The following CYP4Z1 variants were observed in gnomAD, a reference collection of about 807,000 sequenced individuals.
The protein encoded by CYP4Z1 is cytochrome P450 family 4 subfamily Z member 1, also known as cytochrome P450 4Z1.
In CYP4Z1, 41 loss-of-function variants were observed where a neutral mutation model predicts 54.2. The ratio of observed to expected loss-of-function variants is 0.76; its 90% confidence interval spans 0.59 to 0.98. CYP4Z1 has a LOEUF of 0.98. Ranked by LOEUF, CYP4Z1 falls within the 50% of genes least tolerant of loss-of-function variation. The pLI, the probability that CYP4Z1 is intolerant of heterozygous loss-of-function variation, is 0.00. For missense variants in CYP4Z1, 513 were observed against 599.0 expected (o/e 0.86, Z 1.50); for synonymous variants, 163 against 206.2 (o/e 0.79, Z 1.79).
chr1:47,064,328 C>T (rs1644439136), upstream of CYP4Z1, among the ~76,000 whole-genome samples: 1 of 152,036 alleles, frequency 6.6e-6, no homozygotes, highest in African/African-American at 2.4e-5. Context: ...GTGATCCACC[C>T]ACCTCAGCTT....
Position 47,067,538 on chromosome 1 carries a change from G to C in CYP4Z1, c.48G>C (p.Leu16=), listed in dbSNP as rs1477575858. 1 of 1,613,214 alleles carries C rather than the reference G, an allele frequency of 6.2e-7. No homozygotes were observed. Among genetic ancestry groups the C allele is most frequent in the African/African-American group, 1.3e-5 (1 of 74,978 alleles). Residue 16 remains leucine, a synonymous_variant, in exon 1 of 12, where the codon CTG becomes CTC. Transcript: ENST00000334194. The stretch of plus-strand genomic sequence containing the variant: ...AACTCATGGCTCACCCCTTCTTGCT[G>C]CTGATCCTCCTCTGCATGTCTCTGC... ...LQELMAHPFL[L]LILLCMSLLL...
intron 2 of CYP4Z1, among the ~76,000 whole-genome samples, chr1:47,077,842 C>T (rs1239523288): frequency 2.0e-5 from 3 of 151,992 alleles, no homozygotes; most frequent in Admixed American, 6.6e-5. Flanking sequence ...TGGTCTCAAA[C>T]TGCTGGCTTC....
intron 6 of CYP4Z1, among the ~76,000 whole-genome samples, chr1:47,093,492 T>G (rs1249279523): frequency 4.6e-5 from 7 of 152,264 alleles, no homozygotes; most frequent in Non-Finnish European, 7.3e-5. Flanking sequence ...GTGTCATTTT[T>G]GGGCAAGCCT....
At chr1:47,100,096 T>C (rs1301521566) in intron 8 of CYP4Z1, among the ~76,000 whole-genome samples, 1 of 152,212 alleles carries the variant, frequency 6.6e-6, no homozygotes, top group Non-Finnish European at 1.5e-5. Flanking sequence ...GAGTCTAGTT[T>C]ATCTTCTGTT....
chr1:47,079,868 GGAGAGAGA>G (rs3066524), intron 2 of CYP4Z1, among the ~76,000 whole-genome samples: 50 of 106,092 alleles, frequency 4.7e-4, no homozygotes, highest in African/African-American at 1.7e-3. Context: ...ATGGACAGAG[GGAGAGAGA>G]GAGAGAGAGA....
intron 7 of CYP4Z1, among the ~76,000 whole-genome samples, chr1:47,094,971 TA>T: frequency 6.6e-6 from 1 of 152,168 alleles, no homozygotes; most frequent in East Asian, 1.9e-4. Flanking sequence ...AAAAAATAAA[TA>T]AATAAGTAAA....
intron 6 of CYP4Z1, among the ~76,000 whole-genome samples, chr1:47,090,631 G>A (rs1267154834): frequency 6.6e-6 from 1 of 152,202 alleles, no homozygotes; most frequent in Non-Finnish European, 1.5e-5. Context: ...GTAGGAGAGG[G>A]ACTGAGTAAG....
the CYP4Z1 span, among the ~76,000 whole-genome samples, chr1:47,061,531 G>A: frequency 1.4e-3 from 210 of 152,128 alleles, no homozygotes; most frequent in African/African-American, 4.6e-3. Context: ...AAAATTGAAT[G>A]AGTAATAAAT....
upstream of CYP4Z1, among the ~76,000 whole-genome samples, chr1:47,066,034 AT>A (rs1013350828): frequency 3.3e-5 from 5 of 152,070 alleles, no homozygotes; most frequent in African/African-American, 7.2e-5. Flanking sequence ...TGAAATTGTA[AT>A]TTTTTTTAAT....
intron 8 of CYP4Z1, 137 bp downstream of exon 8, chr1:47,099,421 C>T (rs1644704209): frequency 1.3e-6 from 1 of 748,670 alleles, no homozygotes; most frequent in Non-Finnish European, 2.0e-6. Context: ...GGCTAGAGTC[C>T]TACGTTATTT....
intron 8 of CYP4Z1, among the ~76,000 whole-genome samples, chr1:47,101,629 AT>A (rs1425975609): frequency 1.3e-5 from 2 of 151,978 alleles, no homozygotes; most frequent in Admixed American, 1.3e-4. Flanking sequence ...TATGATTTTA[AT>A]TTTTTAAAAA....
At chr1:47,086,503 T>C (rs1644595883) in intron 6 of CYP4Z1, among the ~76,000 whole-genome samples, 1 of 152,248 alleles carries the variant, frequency 6.6e-6, no homozygotes, top group Non-Finnish European at 1.5e-5. Flanking sequence ...TTTTGAGAAG[T>C]GTCTGTTCAT....
At chr1:47,083,827 AC>A (rs1346657431) in intron 4 of CYP4Z1, among the ~76,000 whole-genome samples, 1 of 150,512 alleles carries the variant, frequency 6.6e-6, no homozygotes, top group African/African-American at 2.5e-5. Flanking sequence ...AACAGACACC[AC>A]CCCCATTATC....
intron 7 of CYP4Z1, among the ~76,000 whole-genome samples, chr1:47,095,205 A>G (rs1270050957): frequency 6.6e-6 from 1 of 152,212 alleles, no homozygotes; most frequent in East Asian, 1.9e-4. Flanking sequence ...CAGCATTGGT[A>G]AAACCTGGGA....
chr1:47,062,394 C>G (rs1193143711), upstream of CYP4Z1, among the ~76,000 whole-genome samples: 2 of 152,200 alleles, frequency 1.3e-5, no homozygotes, highest in Non-Finnish European at 2.9e-5. Flanking sequence ...AAGCCAAAAA[C>G]TGTGATTCTG....
At chr1:47,057,960 G>A in the CYP4Z1 span, among the ~76,000 whole-genome samples, 1 of 152,036 alleles carries the variant, frequency 6.6e-6, no homozygotes, top group East Asian at 1.9e-4. Context: ...ATCTTAGGAG[G>A]CAGTTCAACT....
intron 6 of CYP4Z1, among the ~76,000 whole-genome samples, chr1:47,085,945 C>T (rs1363165798): frequency 6.7e-6 from 1 of 148,814 alleles, no homozygotes; most frequent in Non-Finnish European, 1.5e-5. Context: ...CATGCGGTGT[C>T]TGGTTTTTTG....
chr1:47,089,570 C>G (rs527330450), intron 6 of CYP4Z1, among the ~76,000 whole-genome samples: 8 of 152,198 alleles, frequency 5.3e-5, no homozygotes, highest in Non-Finnish European at 1.2e-4. Flanking sequence ...ATTGGTGTAA[C>G]AGGTATCAAA....
At chr1:47,068,836 A>G in intron 2 of CYP4Z1, 73 bp downstream of exon 2, 1 of 1,550,080 alleles carries the variant, frequency 6.5e-7, no homozygotes, top group Non-Finnish European at 8.7e-7. Flanking sequence ...GCACTAGGGA[A>G]GGACAGGTTG....
Sources: allele counts gnomAD v4.1 joint callset (sites outside exome capture counted in the v4.1 genomes callset), GRCh38; gene constraint gnomAD v4.1.1; transcripts MANE v1.5; gene names NCBI Gene and HGNC (gene_info 2026-07-23, HGNC 2026-07-21).